CHIC1: variants seen among roughly 807,000 people sequenced by gnomAD.
The protein encoded by CHIC1 is cysteine-rich hydrophobic domain-containing protein 1.
A neutral mutation model predicts 18.5 loss-of-function variants in CHIC1; 7 were observed. The observed-to-expected ratio is 0.38, with a 90% CI of 0.22 to 0.71. The LOEUF is 0.71. CHIC1 is among the 30% of genes least tolerant of loss of function. CHIC1 has a pLI of 0.49. For synonymous variants in CHIC1, 77 were observed against 73.5 expected (o/e 1.05, Z -0.25); for missense variants, 159 against 176.9 (o/e 0.90, Z 0.57).
intron 1 of CHIC1, among the ~76,000 whole-genome samples, chrX:73,575,398 A>G (rs1603339842): frequency 9.1e-6 from 1 of 110,162 alleles, no homozygotes; most frequent in African/African-American, 3.3e-5. Flanking sequence ...CTCCTGAGAA[A>G]TGTATTGTTA....
chrX:73,612,220 G>C (rs1308213396), intron 3 of CHIC1, among the ~76,000 whole-genome samples: 3 of 111,851 alleles, frequency 2.7e-5, no homozygotes, highest in Non-Finnish European at 5.6e-5. Flanking sequence ...AAGGGATCCA[G>C]TTTCAGCTTT....
intron 3 of CHIC1, among the ~76,000 whole-genome samples, chrX:73,612,918 C>A (rs997087593): frequency 9.0e-6 from 1 of 111,597 alleles, no homozygotes; most frequent in African/African-American, 3.3e-5. Context: ...GTGCTGAGGT[C>A]CCCAACTGTT....
chrX:73,606,308 C>G (rs945526038), intron 3 of CHIC1, among the ~76,000 whole-genome samples: 3 of 106,176 alleles, frequency 2.8e-5, no homozygotes, highest in Non-Finnish European at 5.7e-5. Flanking sequence ...TCACGAAGTT[C>G]TCGTGGTGTG....
chrX:73,618,674 C>T, intron 3 of CHIC1, among the ~76,000 whole-genome samples: 1 of 111,891 alleles, frequency 8.9e-6, no homozygotes. Flanking sequence ...GTAAGCAGGG[C>T]TGATAACCTG....
chrX:73,668,398 C>G (rs1380927650), intron 3 of CHIC1, among the ~76,000 whole-genome samples: 1 of 112,151 alleles, frequency 8.9e-6, no homozygotes, highest in African/African-American at 3.2e-5. Flanking sequence ...GTTCTGAGCC[C>G]TTGCTGGAGA....
intron 3 of CHIC1, among the ~76,000 whole-genome samples, chrX:73,679,091 G>A (rs1228106362): frequency 4.5e-5 from 5 of 111,855 alleles, no homozygotes; most frequent in South Asian, 3.7e-4. Context: ...ATTTTAGAAA[G>A]CATATATAAA....
chrX:73,678,409 G>A (rs1385665173), intron 3 of CHIC1, among the ~76,000 whole-genome samples: 1 of 112,147 alleles, frequency 8.9e-6, no homozygotes, highest in African/African-American at 3.2e-5. Flanking sequence ...GGCCCTGGGT[G>A]GGCCAGTCCT....
At chrX:73,607,085 G>A (rs1284628930) in intron 3 of CHIC1, among the ~76,000 whole-genome samples, 1 of 108,771 alleles carries the variant, frequency 9.2e-6, no homozygotes, top group Admixed American at 9.6e-5. Context: ...GCCCACAGCC[G>A]CCCGTTCCCC....
intron 3 of CHIC1, among the ~76,000 whole-genome samples, chrX:73,660,277 G>A (rs982538993): frequency 1.8e-5 from 2 of 112,029 alleles, no homozygotes; most frequent in African/African-American, 6.5e-5. Context: ...GGAGTGATAT[G>A]TAGTGTTACC....
intron 3 of CHIC1, among the ~76,000 whole-genome samples, chrX:73,675,166 T>C (rs1231760210): frequency 8.9e-6 from 1 of 111,808 alleles, no homozygotes; most frequent in Admixed American, 9.5e-5. Context: ...TGGTCAGTTT[T>C]GGAGTAGGTG....
In CHIC1 at chrX:73,637,827, T is replaced by C. The variant is rs1377559590; in HGVS notation, c.508-41499T>C. Among the ~76,000 whole-genome samples, 3 of 112,033 alleles carry C rather than the reference T, an allele frequency of 2.7e-5. No homozygotes were observed. In the East Asian group the frequency reaches 8.3e-4, roughly 31 times the overall value. On this transcript the variant is annotated intron_variant, in intron 3 of 5. Transcript: ENST00000373502. ...ATTTAAGAAAGCTCTTTTAAAGTCT[T>C]TGTCACATAAGTGCAATGTCTGAAC...
chrX:73,582,662 C>CTT (rs1242794157), intron 2 of CHIC1, among the ~76,000 whole-genome samples: 1 of 110,253 alleles, frequency 9.1e-6, no homozygotes, highest in African/African-American at 3.3e-5. Context: ...TTCTCCAAAC[C>CTT]TTCTCAGAGA....
intron 3 of CHIC1, among the ~76,000 whole-genome samples, chrX:73,620,711 C>T (rs1402331554): frequency 8.9e-6 from 1 of 111,737 alleles, no homozygotes; most frequent in Non-Finnish European, 1.9e-5. Context: ...TAATTATACC[C>T]CATTTGTCAA....
chrX:73,653,864 G>C (rs1389550339), intron 3 of CHIC1, among the ~76,000 whole-genome samples: 1 of 111,806 alleles, frequency 8.9e-6, no homozygotes, highest in Non-Finnish European at 1.9e-5. Context: ...ATTGTTTATT[G>C]TTGGCATATA....
chrX:73,655,464 A>ATATATACATATATACACAATATTG, intron 3 of CHIC1, among the ~76,000 whole-genome samples: 1 of 16,001 alleles, frequency 6.2e-5, no homozygotes, highest in Admixed American at 9.8e-4. Flanking sequence ...AATATTGTGT[A>ATATATACATATATACACAATATTG]TATATATATA....
intron 3 of CHIC1, among the ~76,000 whole-genome samples, chrX:73,640,701 T>A (rs1038173318): frequency 8.9e-6 from 1 of 111,853 alleles, no homozygotes; most frequent in Non-Finnish European, 1.9e-5. Context: ...TTTCTAATAT[T>A]CCCTTTGTTA....
At chrX:73,575,969 AT>A (rs572985965) in intron 1 of CHIC1, among the ~76,000 whole-genome samples, 20 of 107,143 alleles carry the variant, frequency 1.9e-4, no homozygotes, top group South Asian at 1.2e-3. Flanking sequence ...TATTCTATTA[AT>A]TTTTTTTTTA....
At chrX:73,576,495 T>G (rs758328456) in intron 1 of CHIC1, among the ~76,000 whole-genome samples, 86 of 110,536 alleles carry the variant, frequency 7.8e-4, no homozygotes, top group African/African-American at 2.7e-3. Flanking sequence ...CCATCATATA[T>G]GCACTCTATC....
chrX:73,644,475 C>A (rs1057301636), intron 3 of CHIC1, among the ~76,000 whole-genome samples: 4 of 112,409 alleles, frequency 3.6e-5, no homozygotes, highest in Non-Finnish European at 7.5e-5. Flanking sequence ...TGTGCCCTGC[C>A]CCCAGAAGTG....
Sources: gnomAD v4.1 joint callset for allele counts (sites outside exome capture counted in the v4.1 genomes callset) on GRCh38, gnomAD v4.1.1 for gene constraint, MANE v1.5 for transcripts, NCBI Gene and HGNC (gene_info 2026-07-23, HGNC 2026-07-21) for gene names.